The following ACKR3 variants were observed in gnomAD, a reference collection of about 807,000 sequenced individuals.
ACKR3 encodes the protein atypical chemokine receptor 3.
A neutral mutation model predicts 22.4 loss-of-function variants in ACKR3; 6 were observed. The ratio of observed to expected loss-of-function variants is 0.27; its 90% CI spans 0.15 to 0.53. The LOEUF (loss-of-function observed/expected upper bound fraction) is 0.53, where lower values mean the gene tolerates loss of function less well. ACKR3 is among the 20% of genes least tolerant of loss of function. The pLI is 0.96. For missense variants in ACKR3, 396 were observed against 475.2 expected (o/e 0.83, Z 1.55); for synonymous variants, 209 against 205.2 (o/e 1.02, Z -0.16).
At chr2:236,556,352 G>A in the ACKR3 span, among the ~76,000 whole-genome samples, 1 of 152,164 alleles carries the variant, frequency 6.6e-6, no homozygotes, top group Non-Finnish European at 1.5e-5. Flanking sequence ...TTGAGCTCCA[G>A]AACCTGTGAA....
At chr2:236,555,247 T>TA in the ACKR3 span, among the ~76,000 whole-genome samples, 1 of 152,236 alleles carries the variant, frequency 6.6e-6, no homozygotes, top group Non-Finnish European at 1.5e-5. Context: ...CTACACATCT[T>TA]ACCTCTGTGA....
the ACKR3 span, among the ~76,000 whole-genome samples, chr2:236,559,107 T>C: frequency 6.6e-6 from 1 of 152,232 alleles, no homozygotes; most frequent in African/African-American, 2.4e-5. Context: ...TTAGGCCCTC[T>C]GTGCTTTGAT....
chr2:236,545,799 TTTA>T, the ACKR3 span, among the ~76,000 whole-genome samples: 1 of 152,180 alleles, frequency 6.6e-6, no homozygotes, highest in Non-Finnish European at 1.5e-5. This position sits in a 1 kb window ranked among gnomAD's most constrained non-coding sequence, Gnocchi z 5.3. Flanking sequence ...GCCAAATAAA[TTTA>T]TATTATTAGA....
chr2:236,544,109 C>T, the ACKR3 span, among the ~76,000 whole-genome samples: 1 of 150,526 alleles, frequency 6.6e-6, no homozygotes, highest in African/African-American at 2.4e-5. This position sits in a 1 kb window ranked among gnomAD's most constrained non-coding sequence, Gnocchi z 5.0. Flanking sequence ...GCTGCCTCAG[C>T]CTCCCGAGTA....
the ACKR3 span, among the ~76,000 whole-genome samples, chr2:236,549,241 G>A: frequency 7.2e-5 from 11 of 152,186 alleles, no homozygotes; most frequent in Non-Finnish European, 1.3e-4. This position sits in a 1 kb window ranked among gnomAD's most constrained non-coding sequence, Gnocchi z 5.3. Context: ...TAGAGTGAGC[G>A]GAAAGGGAGC....
chr2:236,543,320 A>G, the ACKR3 span, among the ~76,000 whole-genome samples: 3 of 152,170 alleles, frequency 2.0e-5, no homozygotes, highest in Non-Finnish European at 2.9e-5. Context: ...TGGAAATGAT[A>G]TGGAGCAGGA....
chr2:236,577,299 C>T lies in ACKR3; in HGVS notation c.-26-3141C>T, dbSNP rs542894615. ...GGAGAAGCAAGGACAGAGGCGAGGA[C>T]GGCTGAGCGGGGAAGTGCCTATCTC... On this transcript the variant is annotated intron_variant, in intron 1 of 1. Transcript: ENST00000272928. The surrounding 1 kb of genome is among the most constrained non-coding windows in gnomAD (Gnocchi z 5.6). 4.6e-5 allele frequency among the ~76,000 whole-genome samples: 7 copies of T among 152,200 alleles called. No individual in the cohort carries two copies. Among genetic ancestry groups the T allele is most frequent in the South Asian group, 2.1e-4 (1 of 4,824 alleles).
chr2:236,557,211 T>C, the ACKR3 span, among the ~76,000 whole-genome samples: 2 of 152,080 alleles, frequency 1.3e-5, no homozygotes, highest in African/African-American at 4.8e-5. Context: ...TGGGAACCAA[T>C]TACTGTTAAT....
chr2:236,554,051 G>A, the ACKR3 span, among the ~76,000 whole-genome samples: 2 of 152,178 alleles, frequency 1.3e-5, no homozygotes, highest in Non-Finnish European at 2.9e-5. Context: ...CGAGCCTCAG[G>A]GCTGTGTCCT....
upstream of ACKR3, among the ~76,000 whole-genome samples, chr2:236,567,495 T>C (rs1242581813): frequency 6.6e-6 from 1 of 152,218 alleles, no homozygotes; most frequent in Admixed American, 6.5e-5. Context: ...GAAAAGAGAC[T>C]TTTAGGTCCT....
At chr2:236,566,718 C>CCCTTCCCTTCCCTTCCCTTCCCCTT (rs776013246), upstream of ACKR3, among the ~76,000 whole-genome samples, 3 of 114,490 alleles carry the variant, frequency 2.6e-5, no homozygotes, top group African/African-American at 1.2e-4. Flanking sequence ...TCCTTTCCTT[C>CCCTTCCCTTCCCTTCCCTTCCCCTT]CCTTCCTTCC....
chr2:236,551,388 G>A, the ACKR3 span, among the ~76,000 whole-genome samples: 1 of 152,214 alleles, frequency 6.6e-6, no homozygotes. Context: ...CTGCAGGAAG[G>A]AAAGTGTGCT....
At chr2:236,538,347 T>C in the ACKR3 span, among the ~76,000 whole-genome samples, 10 of 152,198 alleles carry the variant, frequency 6.6e-5, no homozygotes, top group East Asian at 1.7e-3. Flanking sequence ...TGATGATATA[T>C]TTTCACAACT....
At chr2:236,559,074 G>A in the ACKR3 span, among the ~76,000 whole-genome samples, 1 of 152,146 alleles carries the variant, frequency 6.6e-6, no homozygotes, top group Admixed American at 6.5e-5. Flanking sequence ...ACCTGGGTTT[G>A]ACCCTATGTG....
the ACKR3 span, among the ~76,000 whole-genome samples, chr2:236,539,366 G>A: frequency 1.4e-5 from 2 of 145,494 alleles, no homozygotes; most frequent in African/African-American, 2.6e-5. Flanking sequence ...AGGCTGGAGT[G>A]CAGTGGTGCG....
chr2:236,579,765 A>T (rs1691481939), intron 1 of ACKR3, among the ~76,000 whole-genome samples: 1 of 152,168 alleles, frequency 6.6e-6, no homozygotes, highest in Admixed American at 6.5e-5. Flanking sequence ...GCCAACCCAG[A>T]GTCTTCAGGT....
At chr2:236,540,616 A>G in the ACKR3 span, among the ~76,000 whole-genome samples, 1 of 152,168 alleles carries the variant, frequency 6.6e-6, no homozygotes, top group South Asian at 2.1e-4. Flanking sequence ...TATATAAGTT[A>G]TATAATTTAA....
At chr2:236,561,772 G>A in the ACKR3 span, among the ~76,000 whole-genome samples, 2 of 152,216 alleles carry the variant, frequency 1.3e-5, no homozygotes, top group South Asian at 2.1e-4. Context: ...GATTACAGGC[G>A]TGAGCCACTG....
chr2:236,542,345 C>T, the ACKR3 span, among the ~76,000 whole-genome samples: 6 of 152,186 alleles, frequency 3.9e-5, no homozygotes, highest in East Asian at 7.7e-4. Context: ...ACCAGCACAT[C>T]ACTGGACATG....
Sources: gnomAD v4.1 joint callset for allele counts (sites outside exome capture counted in the v4.1 genomes callset) on GRCh38, gnomAD v4.1.1 for gene constraint, Gnocchi (gnomAD v3.1) non-coding constraint, MANE v1.5 for transcripts, NCBI Gene and HGNC (gene_info 2026-07-23, HGNC 2026-07-21) for gene names.